The following KCNH1 variants were observed in gnomAD, a reference collection of about 807,000 sequenced individuals.
KCNH1 encodes the protein voltage-gated delayed rectifier potassium channel KCNH1.
In KCNH1, 27 loss-of-function variants were observed where a neutral mutation model predicts 69.2. The ratio of observed to expected loss-of-function variants is 0.39; its 90% confidence interval spans 0.29 to 0.54. KCNH1 has a LOEUF of 0.54. Ranked by LOEUF, KCNH1 falls within the 20% of genes least tolerant of loss-of-function variation. The pLI, the probability that KCNH1 is intolerant of heterozygous loss-of-function variation, is 0.68. For synonymous variants in KCNH1, 456 were observed against 487.7 expected, an observed-to-expected ratio of 0.93 and a Z score of 0.86; for missense variants, 798 against 1,261.6, an observed-to-expected ratio of 0.63 and a Z score of 5.57.
At chr1:211,076,243 A>T (rs749032232) in intron 5 of KCNH1, among the ~76,000 whole-genome samples, 4 of 152,216 alleles carry the variant, frequency 2.6e-5, no homozygotes, top group Non-Finnish European at 4.4e-5. Flanking sequence ...TTCTCCCAGC[A>T]CAGTGTTTGA....
chr1:210,713,728 A>C (rs1027968208), intron 10 of KCNH1, among the ~76,000 whole-genome samples: 27 of 152,178 alleles, frequency 1.8e-4, no homozygotes, highest in African/African-American at 5.8e-4. Context: ...TCACAGCCCA[A>C]TTCAAATGCC....
chr1:210,829,958 T>A (rs1277266553), intron 7 of KCNH1, among the ~76,000 whole-genome samples: 1 of 152,212 alleles, frequency 6.6e-6, no homozygotes, highest in Non-Finnish European at 1.5e-5. Context: ...ATTATGTGTC[T>A]TATCTTCTGA....
intron 6 of KCNH1, among the ~76,000 whole-genome samples, chr1:210,971,504 C>T (rs1220232057): frequency 6.6e-6 from 1 of 152,072 alleles, no homozygotes; most frequent in Non-Finnish European, 1.5e-5. Context: ...AATAAATACT[C>T]AAGGCACATT....
At chr1:210,844,525 C>A (rs7520827) in intron 7 of KCNH1, among the ~76,000 whole-genome samples, 25,041 of 152,108 alleles carry the variant, frequency 0.16, 2,684 homozygotes, top group Non-Finnish European at 0.25. Context: ...TTCTTTGAAA[C>A]CAATGAGAAC....
In KCNH1 at chr1:210,681,900, T is replaced by G. The variant is rs1434831822; in HGVS notation, c.*1381A>C. 6.6e-6 allele frequency: 1 copy of G among 152,198 alleles called. No individual in the cohort carries two copies. Among genetic ancestry groups the G allele is most frequent in the Non-Finnish European group, 1.5e-5 (1 of 68,066 alleles). 9.4% of individuals were successfully genotyped at this position (152,198 alleles called of 1,614,324 possible). On this transcript the variant is annotated 3_prime_UTR_variant, in exon 11 of 11. Coordinates refer to ENST00000271751, the MANE Select transcript of KCNH1 (RefSeq NM_172362.3). Reference sequence around the variant, plus strand: ...TGGAAGAGACTTCACTCCTTTCCTTTCTCAGATGCCATTGAGAGAAGCCCA... The same window carrying G: ...TGGAAGAGACTTCACTCCTTTCCTTGCTCAGATGCCATTGAGAGAAGCCCA...
Position 211,022,972 on chromosome 1 carries a change from A to G in KCNH1, c.559-3716T>C, listed in dbSNP as rs549208031. On this transcript the variant is annotated intron_variant, in intron 5 of 10. Coordinates refer to ENST00000271751, the MANE Select transcript of KCNH1 (RefSeq NM_172362.3). ...ACTAAAAATACAAAATTAGCCAGGC[A>G]TGGTGGTGGATACCTGTAATCCTAG... 2.6e-5 allele frequency among the ~76,000 whole-genome samples: 4 copies of G among 151,980 alleles called. 1 individual carries two copies. Among genetic ancestry groups the G allele is most frequent in the Non-Finnish European group, 5.9e-5 (4 of 67,902 alleles).
intron 7 of KCNH1, among the ~76,000 whole-genome samples, chr1:210,896,723 A>C (rs1351306299): frequency 1.3e-5 from 2 of 152,186 alleles, no homozygotes; most frequent in African/African-American, 4.8e-5. Context: ...ATTCATGTCA[A>C]TCTGATACAC....
chr1:210,756,180 T>C (rs985341476), intron 10 of KCNH1, among the ~76,000 whole-genome samples: 1 of 152,198 alleles, frequency 6.6e-6, no homozygotes, highest in African/African-American at 2.4e-5. Context: ...TCCCATAGCC[T>C]GGAGAAACCC....
At chr1:211,013,236 G>A (rs566858750) in intron 6 of KCNH1, among the ~76,000 whole-genome samples, 3 of 152,348 alleles carry the variant, frequency 2.0e-5, no homozygotes, top group South Asian at 2.1e-4. Context: ...CAGTGATAAG[G>A]AAAGCCTGGA....
chr1:211,091,157 C>T (rs549488858), intron 3 of KCNH1, among the ~76,000 whole-genome samples: 1 of 152,160 alleles, frequency 6.6e-6, no homozygotes, highest in African/African-American at 2.4e-5. Flanking sequence ...AGGAATCCAC[C>T]AATTTGACTC....
chr1:211,054,789 AG>A (rs1156312421), intron 5 of KCNH1, among the ~76,000 whole-genome samples: 3 of 152,110 alleles, frequency 2.0e-5, no homozygotes, highest in Non-Finnish European at 4.4e-5. Context: ...TGAAACCAAT[AG>A]AAAAAAATAA....
Position 210,797,715 on chromosome 1 carries a change from G to A in KCNH1, c.1708C>T (p.His570Tyr). 6.2e-7 allele frequency: 1 copy of A among 1,614,166 alleles called. No individual in the cohort carries two copies. Among genetic ancestry groups the A allele is most frequent in the Non-Finnish European group, 8.5e-7 (1 of 1,179,992 alleles). ...TCCTTGAACACCTTGCGGTTCAGGT[G>A]CACGCAGATGTCGGCTCTCATGTCC... ...PKDMRADICV[H>Y]LNRKVFKEHP... Residue 570 changes from histidine to tyrosine, a missense_variant, in exon 9 of 11, where the codon CAC becomes TAC. His to Tyr is a moderately conservative substitution (Grantham distance 83, BLOSUM62 2). This residue lies in a region of KCNH1 where 197 missense variants were observed against 407.7 expected (regional missense o/e 0.48). Coordinates refer to ENST00000271751, the MANE Select transcript of KCNH1 (RefSeq NM_172362.3).
At position 210,848,794 on chromosome 1, in the gene KCNH1, C is replaced by T. The variant is rs920126650; in HGVS notation, c.1463-44628G>A. On this transcript the variant is annotated intron_variant, in intron 7 of 10. Transcript: ENST00000271751. ...TAATAACATCTTACCAACTGGGCCC[C>T]CATTTCAATTTTTTTTCTACTTTAT... Among the ~76,000 whole-genome samples the T allele has an allele frequency of 2.6e-5, 4 of 152,112 alleles. No individual in the cohort carries two copies. The South Asian group carries it at 8.3e-4, about 32-fold the overall frequency.
Position 210,884,125 on chromosome 1 carries a change from C to T in KCNH1, c.1462+35515G>A, listed in dbSNP as rs374981514. Among the ~76,000 whole-genome samples, 7 of 152,158 alleles carry T rather than the reference C, an allele frequency of 4.6e-5. No homozygotes were observed. In the East Asian group the frequency reaches 1.3e-3, roughly 29 times the overall value. Reference sequence around the variant, plus strand: ...AACATGGCAGAGAAATTGTTGCACCCATAGGCACGTGCATGCATAGAGCCA... The same window carrying T: ...AACATGGCAGAGAAATTGTTGCACCTATAGGCACGTGCATGCATAGAGCCA... On this transcript the variant is annotated intron_variant, in intron 7 of 10. Coordinates refer to ENST00000271751, the MANE Select transcript of KCNH1 (RefSeq NM_172362.3).
rs145121863 is a variant in KCNH1 at position 211,077,717 on chromosome 1, C to G, written c.558+5063G>C. ...TGCATCAACTAACGGACAAAATAAC[C>G]AGCTAACATCATAATGACAGGATCA... is the stretch of plus-strand genomic sequence containing the variant. On this transcript the variant is annotated intron_variant, in intron 5 of 10. Transcript: ENST00000271751. 4.6e-3 allele frequency among the ~76,000 whole-genome samples: 704 copies of G among 152,204 alleles called. 3 individuals carry two copies. Among genetic ancestry groups the G allele is most frequent in the Non-Finnish European group, 6.7e-3 (454 of 67,990 alleles).
intron 6 of KCNH1, among the ~76,000 whole-genome samples, chr1:211,004,143 C>G (rs1689237075): frequency 6.6e-6 from 1 of 151,948 alleles, no homozygotes; most frequent in South Asian, 2.1e-4. Context: ...TCCAATCACA[C>G]CAGTGCAAAT....
intron 10 of KCNH1, among the ~76,000 whole-genome samples, chr1:210,748,722 T>C (rs556965740): frequency 2.0e-5 from 3 of 152,340 alleles, no homozygotes; most frequent in Non-Finnish European, 4.4e-5. Context: ...GGTGCTTTTC[T>C]AACTGGAAGG....
At chr1:210,870,770 T>C (rs940785024) in intron 7 of KCNH1, among the ~76,000 whole-genome samples, 4 of 152,194 alleles carry the variant, frequency 2.6e-5, no homozygotes, top group Non-Finnish European at 4.4e-5. Flanking sequence ...TTTATGATAC[T>C]AATACATTCT....
intron 6 of KCNH1, among the ~76,000 whole-genome samples, chr1:210,933,956 T>C (rs577474555): frequency 2.0e-5 from 3 of 152,246 alleles, no homozygotes; most frequent in African/African-American, 7.2e-5. Flanking sequence ...CTTCAATAAA[T>C]GATGTTGGGG....
Sources: gnomAD v4.1 joint callset for allele counts (sites outside exome capture counted in the v4.1 genomes callset) on GRCh38, gnomAD v4.1.1 for gene constraint, gnomAD v4.1.1 regional missense constraint, MANE v1.5 for transcripts, NCBI Gene and HGNC (gene_info 2026-07-23, HGNC 2026-07-21) for gene names.